VWA8: variants seen among roughly 807,000 people sequenced by gnomAD.
VWA8 encodes von Willebrand factor A domain containing 8, also known as von Willebrand factor A domain-containing protein 8.
Under a neutral mutation model 241.5 loss-of-function variants are expected in VWA8, and 221 were observed. The observed-to-expected ratio is 0.91, with a 90% CI of 0.82 to 1.02. The LOEUF is 1.02. Ranked by LOEUF, VWA8 falls within the 50% of genes least tolerant of loss-of-function variation. The pLI is 0.00. For synonymous variants in VWA8, 852 were observed against 827.1 expected (o/e 1.03, Z -0.52); for missense variants, 2,322 against 2,328.7 (o/e 1.00, Z 0.06).
intron 14 of VWA8, among the ~76,000 whole-genome samples, chr13:41,823,598 G>A (rs1342491978): frequency 6.6e-6 from 1 of 152,002 alleles, no homozygotes; most frequent in Non-Finnish European, 1.5e-5. Flanking sequence ...GTTCTATTTT[G>A]GTCTCTATTT....
intron 37 of VWA8, among the ~76,000 whole-genome samples, chr13:41,632,706 C>T (rs1470568429): frequency 3.3e-5 from 5 of 152,174 alleles, no homozygotes. Context: ...GCTTATGAAT[C>T]CACTGCCTAC....
intron 37 of VWA8, among the ~76,000 whole-genome samples, chr13:41,625,838 T>C (rs1313594669): frequency 1.3e-5 from 2 of 151,180 alleles, no homozygotes; most frequent in African/African-American, 4.9e-5. Flanking sequence ...AACCCAAATG[T>C]CCAACAATGA....
chr13:41,844,560 C>T (rs1164835585), intron 12 of VWA8, among the ~76,000 whole-genome samples: 1 of 152,078 alleles, frequency 6.6e-6, no homozygotes, highest in Non-Finnish European at 1.5e-5. Flanking sequence ...TATTTCTCTT[C>T]CCACATGATA....
chr13:41,828,779 T>C (rs958069765), intron 14 of VWA8, among the ~76,000 whole-genome samples: 3 of 151,972 alleles, frequency 2.0e-5, no homozygotes, highest in African/African-American at 7.2e-5. Context: ...ATAACCACAA[T>C]ATCATTATCA....
chr13:41,821,251 T>G (rs1194242969), intron 14 of VWA8, among the ~76,000 whole-genome samples: 1 of 152,204 alleles, frequency 6.6e-6, no homozygotes, highest in Non-Finnish European at 1.5e-5. Flanking sequence ...AGCAGCGTTC[T>G]TAAGTAAGCT....
At chr13:41,580,370 A>G (rs1250674862) in intron 42 of VWA8, among the ~76,000 whole-genome samples, 1 of 152,218 alleles carries the variant, frequency 6.6e-6, no homozygotes, top group Admixed American at 6.5e-5. Context: ...AACTGATAGG[A>G]TGACTGATCT....
chr13:41,755,998 A>G (rs902971228), intron 21 of VWA8, among the ~76,000 whole-genome samples: 1 of 151,882 alleles, frequency 6.6e-6, no homozygotes, highest in African/African-American at 2.4e-5. Context: ...TTGAAATAGA[A>G]ACAAAACATA....
chr13:41,584,252 T>G (rs960079696), intron 42 of VWA8, among the ~76,000 whole-genome samples: 4 of 152,094 alleles, frequency 2.6e-5, no homozygotes, highest in Admixed American at 2.6e-4. Context: ...GGAAAACAAA[T>G]AAGAGTCCTG....
chr13:41,611,899 G>A (rs75307807), intron 38 of VWA8, among the ~76,000 whole-genome samples, 167 bp from the exon 39 acceptor site: 2,206 of 152,256 alleles, frequency 0.014, 44 homozygotes, highest in African/African-American at 0.05. Context: ...TGTTTAGGAT[G>A]CTTTTCCTTT....
At chr13:41,728,737 T>C (rs2045457338) in intron 23 of VWA8, among the ~76,000 whole-genome samples, 1 of 152,016 alleles carries the variant, frequency 6.6e-6, no homozygotes, top group Non-Finnish European at 1.5e-5. Context: ...TACTCAGAAA[T>C]GGCAATCTTG....
chr13:41,793,459 G>C (rs1869543356), intron 17 of VWA8, among the ~76,000 whole-genome samples: 3 of 152,148 alleles, frequency 2.0e-5, no homozygotes, highest in Admixed American at 2.0e-4. Flanking sequence ...CTGATTGAAT[G>C]TGTCCTCCCT....
chr13:41,734,619 C>T lies in VWA8; in HGVS notation c.2427-2464G>A, dbSNP rs147500380. Among the ~76,000 whole-genome samples, 1,383 of 152,278 alleles carry T rather than the reference C, an allele frequency of 9.1e-3. 15 individuals carry two copies. The highest frequency in any genetic ancestry group is 0.024 in the Middle Eastern group (7 of 294). ...TTTGCCTCCAACTTGGAAAGCTTCTCCTTCTAACTTGAGCAAACAGTTTCT... is the reference window on the plus strand; with the variant it reads ...TTTGCCTCCAACTTGGAAAGCTTCTTCTTCTAACTTGAGCAAACAGTTTCT... On this transcript the variant is annotated intron_variant, in intron 21 of 44. Coordinates refer to ENST00000379310, the MANE Select transcript of VWA8 (RefSeq NM_015058.2).
intron 17 of VWA8, 87 bp downstream of exon 17, chr13:41,811,138 T>A (rs1165921620): frequency 8.8e-7 from 1 of 1,139,248 alleles, no homozygotes. Flanking sequence ...TTTTGAAGAA[T>A]TGGGAATATG....
At chr13:41,759,088 T>C (rs1472508719) in intron 21 of VWA8, among the ~76,000 whole-genome samples, 2 of 151,694 alleles carry the variant, frequency 1.3e-5, no homozygotes, top group South Asian at 2.1e-4. Context: ...TTTGCATCTA[T>C]GTTCATAGGA....
rs2045018892 is a variant in VWA8, at chr13:41,671,030, C to A, written c.4527G>T (p.Arg1509Ser). 6.2e-7 allele frequency: 1 copy of A among 1,614,012 alleles called. No homozygotes were observed. Among genetic ancestry groups the A allele is most frequent in the South Asian group, 1.1e-5 (1 of 91,082 alleles). ...VVTVDMGGHIRLWETGLERLQ... is the reference protein window; with the variant it reads ...VVTVDMGGHISLWETGLERLQ... ...GACGTTCAAGTCCAGTTTCCCAAAGCCTGATGTGACCTCCCATATCAACAG... is the reference window on the plus strand; with the variant it reads ...GACGTTCAAGTCCAGTTTCCCAAAGACTGATGTGACCTCCCATATCAACAG... Residue 1509 changes from arginine to serine, a missense_variant, in exon 37 of 45, where the codon AGG (arginine) becomes AGT (serine). Arg to Ser is a moderately radical substitution (Grantham distance 110). Transcript: ENST00000379310.
intron 9 of VWA8, among the ~76,000 whole-genome samples, chr13:41,882,504 C>A (rs956852896): frequency 3.3e-5 from 5 of 152,250 alleles, no homozygotes; most frequent in African/African-American, 1.2e-4. Context: ...TGCACTCCAG[C>A]CTGGGCACCA....
At chr13:41,825,540 T>C (rs1871140737) in intron 14 of VWA8, among the ~76,000 whole-genome samples, 2 of 152,244 alleles carry the variant, frequency 1.3e-5, no homozygotes, top group Non-Finnish European at 2.9e-5. Flanking sequence ...TTCTTTCTGT[T>C]AGGCAGCTGC....
intron 21 of VWA8, among the ~76,000 whole-genome samples, chr13:41,747,605 G>A (rs1475917412): frequency 2.0e-5 from 3 of 152,218 alleles, no homozygotes; most frequent in South Asian, 2.1e-4. Flanking sequence ...TCTCCTGCCT[G>A]ATTGCCCTGG....
intron 37 of VWA8, among the ~76,000 whole-genome samples, chr13:41,645,019 T>C (rs1045426412): frequency 6.6e-6 from 1 of 152,228 alleles, no homozygotes; most frequent in Non-Finnish European, 1.5e-5. Flanking sequence ...CTAAACATGG[T>C]TAAAAGCACA....
Sources: allele counts gnomAD v4.1 joint callset (sites outside exome capture counted in the v4.1 genomes callset), GRCh38; gene constraint gnomAD v4.1.1; transcripts MANE v1.5; gene names NCBI Gene and HGNC (gene_info 2026-07-23, HGNC 2026-07-21).